BRD7: variants seen among roughly 807,000 people sequenced by gnomAD.
BRD7 encodes bromodomain containing 7.
In BRD7, 15 loss-of-function variants were observed where a neutral mutation model predicts 82.1. The ratio of observed to expected loss-of-function variants is 0.18; its 90% confidence interval spans 0.12 to 0.28. BRD7 has a LOEUF of 0.28. BRD7 is among the 10% of genes least tolerant of loss of function. The pLI is 1.00. For synonymous variants in BRD7, 232 were observed against 266.9 expected (o/e 0.87, Z 1.27); for missense variants, 638 against 779.9 (o/e 0.82, Z 2.17).
intron 14 of BRD7, 104 bp downstream of exon 14, chr16:50,320,559 A>C: frequency 7.2e-7 from 1 of 1,385,078 alleles, no homozygotes; most frequent in Non-Finnish European, 1.0e-6. Flanking sequence ...GTAAGCCAAG[A>C]TCTTCCTGTG....
intron 5 of BRD7, chr16:50,349,380 G>C (rs1411014964): frequency 3.0e-6 from 1 of 335,616 alleles, no homozygotes; most frequent in African/African-American, 2.3e-5. Context: ...ATGTACCCTA[G>C]AACTTAAATT....
intron 4 of BRD7, among the ~76,000 whole-genome samples, chr16:50,353,965 C>T (rs2038637349): frequency 1.3e-5 from 2 of 152,242 alleles, no homozygotes; most frequent in Middle Eastern, 6.8e-3. Flanking sequence ...GTAGCTTAAT[C>T]TAGGCACTGA....
At chr16:50,366,579 T>A (rs1419301313) in intron 2 of BRD7, among the ~76,000 whole-genome samples, 1 of 152,220 alleles carries the variant, frequency 6.6e-6, no homozygotes, top group African/African-American at 2.4e-5. Flanking sequence ...TACCTATACC[T>A]TGAGCAAGGG....
In BRD7 at chr16:50,317,023, CG is replaced by C. The variant is rs1458877941; in HGVS notation, c.*2187del. Reference sequence around the variant, plus strand: ...GTTGGGGTCCTGGGATGAGTTGCCCCGGGCTGCAAATTAAGAGTACAGCTAA... The same window carrying C: ...GTTGGGGTCCTGGGATGAGTTGCCCCGGCTGCAAATTAAGAGTACAGCTAA... On this transcript the variant is annotated 3_prime_UTR_variant, in exon 17 of 17. Coordinates refer to ENST00000394688, the MANE Select transcript of BRD7 (RefSeq NM_013263.5). 2 of 152,344 alleles carry C rather than the reference CG, an allele frequency of 1.3e-5. No homozygotes were observed. Among genetic ancestry groups the C allele is most frequent in the African/African-American group, 4.9e-5 (2 of 41,022 alleles). 9.4% of individuals were successfully genotyped at this position (152,344 alleles called of 1,614,324 possible).
chr16:50,324,061 C>G (rs2037232735), intron 11 of BRD7, among the ~76,000 whole-genome samples: 1 of 152,088 alleles, frequency 6.6e-6, no homozygotes, highest in Non-Finnish European at 1.5e-5. Flanking sequence ...TGGACCACAC[C>G]CTTTGGTGCT....
At chr16:50,352,928 T>C (rs1353458483) in intron 4 of BRD7, among the ~76,000 whole-genome samples, 2 of 152,174 alleles carry the variant, frequency 1.3e-5, no homozygotes. Context: ...CATTTTACAG[T>C]CACACCTTGT....
rs1055119523 is a variant in BRD7, at chr16:50,317,623, A to T, written c.*1588T>A. On this transcript the variant is annotated 3_prime_UTR_variant, in exon 17 of 17. Transcript: ENST00000394688. ...CACTGTGCTGTGCTCAGATAATAAT[A>T]GTTTGTAAGTAAAAGTTTTTAGTTT... The T allele has an allele frequency of 3.9e-5, 6 of 152,508 alleles. No homozygotes were observed. Among genetic ancestry groups the T allele is most frequent in the Admixed American group, 6.5e-5 (1 of 15,306 alleles). 9.4% of individuals were successfully genotyped at this position (152,508 alleles called of 1,614,324 possible).
chr16:50,356,408 T>G (rs929573041), intron 2 of BRD7, among the ~76,000 whole-genome samples: 1 of 152,120 alleles, frequency 6.6e-6, no homozygotes, highest in Non-Finnish European at 1.5e-5. Flanking sequence ...AAAAGGAAAA[T>G]AGATTAATAA....
chr16:50,335,852 C>G (rs4347626), intron 6 of BRD7, among the ~76,000 whole-genome samples: 41,815 of 152,118 alleles, frequency 0.27, 6,509 homozygotes, highest in African/African-American at 0.42. Context: ...CAGATGGTGA[C>G]ATCCTCACCA....
Position 50,368,741 on chromosome 16 carries a change from T to C in BRD7, c.34A>G (p.Lys12Glu), listed in dbSNP as rs749137610. The change falls in exon 1 of 17, where the codon AAA becomes GAA. Residue 12 changes from lysine to glutamate, a missense_variant. Around this residue, in one of 3 missense-constraint regions of BRD7, gnomAD observed 172 missense variants for 155.3 expected, o/e 1.11. Transcript: ENST00000394688. The part of the protein sequence containing the change: ...GKKHKKHKSD[K>E]HLYEEYVEKP... ...CCCTCCTCACCCTCGTAGAGGTGTT[T>C]GTCCGACTTGTGCTTCTTGTGCTTC... 3.2e-6 allele frequency: 5 copies of C among 1,555,100 alleles called. No individual in the cohort carries two copies. In the Admixed American group the frequency reaches 7.5e-5, roughly 23 times the overall value.
In BRD7 at chr16:50,332,637, G is replaced by A. The variant is rs116805623; in HGVS notation, c.1011+937C>T. ...AATTTGACCCAGCAATCCTAGGTATGTACCAAAGGAAAATAAATCATTTTA... is the reference window on the plus strand; with the variant it reads ...AATTTGACCCAGCAATCCTAGGTATATACCAAAGGAAAATAAATCATTTTA... On this transcript the variant is annotated intron_variant, in intron 8 of 16. Transcript: ENST00000394688. 8.8e-3 allele frequency among the ~76,000 whole-genome samples: 1,340 copies of A among 152,198 alleles called. 27 individuals are homozygous for A. The highest frequency in any genetic ancestry group is 0.031 in the African/African-American group (1,282 of 41,510).
chr16:50,319,893 T>G lies in BRD7; in HGVS notation c.1894A>C (p.Thr632Pro), dbSNP rs774928698. 1 of 1,611,818 alleles carries G rather than the reference T, an allele frequency of 6.2e-7. No homozygotes were observed. The highest frequency in any genetic ancestry group is 2.2e-5 in the East Asian group (1 of 44,880). Reference sequence around the variant, plus strand: ...GAGAAAACAGGGCACGTACCTTCTGTCAAATCCACAAAGTTGTTTTCCATG... The same window carrying G: ...GAGAAAACAGGGCACGTACCTTCTGGCAAATCCACAAAGTTGTTTTCCATG... ...PVMENNFVDLTEDTEEPKKTD... is the reference protein window; with the variant it reads ...PVMENNFVDLPEDTEEPKKTD... Residue 632 changes from threonine to proline, a missense_variant, in exon 16 of 17, where the codon ACA becomes CCA. Coordinates refer to ENST00000394688, the MANE Select transcript of BRD7 (RefSeq NM_013263.5).
At chr16:50,321,286 C>T (rs1280418652) in intron 13 of BRD7, among the ~76,000 whole-genome samples, 8 of 152,148 alleles carry the variant, frequency 5.3e-5, no homozygotes, top group South Asian at 4.1e-4. Context: ...GTTGGCCTGG[C>T]GCAGTGGCTC....
intron 2 of BRD7, among the ~76,000 whole-genome samples, chr16:50,364,743 C>A (rs1392618245): frequency 6.6e-6 from 1 of 152,126 alleles, no homozygotes; most frequent in East Asian, 1.9e-4. Context: ...AGGCTCACTG[C>A]AGTATTACAT....
At chr16:50,363,668 C>CGCGT (rs1469437519) in intron 2 of BRD7, among the ~76,000 whole-genome samples, 19 of 53,876 alleles carry the variant, frequency 3.5e-4, no homozygotes, top group African/African-American at 6.4e-4. Flanking sequence ...TGTGCGCGCG[C>CGCGT]GCGCGTGCGC....
At position 50,360,677 on chromosome 16, in the gene BRD7, T is replaced by TTTTA. The variant is rs1007067452; in HGVS notation, c.259-5759_259-5756dup. Among the ~76,000 whole-genome samples, 28 of 152,344 alleles carry TTTTA rather than the reference T, an allele frequency of 1.8e-4. No homozygotes were observed. In the South Asian group the frequency reaches 4.8e-3, roughly 26 times the overall value. The stretch of plus-strand genomic sequence containing the variant: ...GGTCCAACTTTGAGCTCCTGTAGGA[T>TTTTA]TTTATTTATTTATTTACCTATCTTA... On this transcript the variant is annotated intron_variant, in intron 2 of 16. Coordinates refer to ENST00000394688, the MANE Select transcript of BRD7 (RefSeq NM_013263.5).
chr16:50,368,640 C>G, intron 1 of BRD7, 86 bp downstream of exon 1: 1 of 1,430,462 alleles, frequency 7.0e-7, no homozygotes. Context: ...GGAAGGGCCC[C>G]GGGCCGCCCC....
chr16:50,347,372 C>T (rs1214027545), intron 5 of BRD7, among the ~76,000 whole-genome samples: 1 of 152,192 alleles, frequency 6.6e-6, no homozygotes, highest in Non-Finnish European at 1.5e-5. Flanking sequence ...ACCTCTCTCA[C>T]CACTCCTATT....
intron 2 of BRD7, 124 bp downstream of exon 2, chr16:50,367,966 C>G (rs1466122665): frequency 4.1e-6 from 4 of 970,560 alleles, no homozygotes; most frequent in Admixed American, 2.0e-5. Flanking sequence ...CTGTCCTGCT[C>G]CTCCTCAAAC....
Sources: allele counts gnomAD v4.1 joint callset (sites outside exome capture counted in the v4.1 genomes callset), GRCh38; gene constraint gnomAD v4.1.1; regional missense constraint gnomAD v4.1.1; transcripts MANE v1.5; gene names NCBI Gene and HGNC (gene_info 2026-07-23, HGNC 2026-07-21).